PHIP: variants seen among roughly 807,000 people sequenced by gnomAD.
PHIP encodes the protein PH-interacting protein.
PHIP carries 54 observed loss-of-function variants against 236.8 expected under a neutral mutation model. The observed-to-expected ratio is 0.23, with a 90% CI of 0.18 to 0.29. PHIP has a LOEUF of 0.29. Among genes scored for constraint, PHIP ranks in the 10% least tolerant of loss-of-function variants. The pLI, the probability that PHIP is intolerant of heterozygous loss-of-function variation, is 1.00. For missense variants in PHIP, 1,370 were observed against 2,190.8 expected (o/e 0.63, Z 7.48); for synonymous variants, 756 against 718.9 (o/e 1.05, Z -0.83).
At chr6:79,021,701 A>G (rs923254657) in intron 9 of PHIP, among the ~76,000 whole-genome samples, 1 of 152,222 alleles carries the variant, frequency 6.6e-6, no homozygotes, top group Admixed American at 6.5e-5. Context: ...ATGAGATAGT[A>G]GAGGATGGCT....
intron 6 of PHIP, among the ~76,000 whole-genome samples, chr6:79,049,021 G>A (rs1014685787): frequency 2.6e-5 from 4 of 151,942 alleles, no homozygotes; most frequent in African/African-American, 9.7e-5. Flanking sequence ...TTTATGAGAA[G>A]GTTTTCATTA....
intron 20 of PHIP, among the ~76,000 whole-genome samples, chr6:78,989,652 T>C (rs1769089769): frequency 6.6e-6 from 1 of 152,208 alleles, no homozygotes; most frequent in South Asian, 2.1e-4. Flanking sequence ...TACATATATG[T>C]ATACATATAC....
intron 32 of PHIP, 56 bp downstream of exon 32, chr6:78,958,419 C>T: frequency 9.1e-7 from 1 of 1,101,354 alleles, no homozygotes; most frequent in South Asian, 1.3e-5. Flanking sequence ...TTAAGAGGAA[C>T]TGTAGTGCCA....
At chr6:78,970,234 T>A (rs983489953) in intron 25 of PHIP, 61 bp from the exon 26 acceptor site, 2 of 1,438,640 alleles carry the variant, frequency 1.4e-6, no homozygotes, top group African/African-American at 2.8e-5. Context: ...AATAGACTGC[T>A]AAACATTGTT....
chr6:78,986,956 C>G (rs1190375786), intron 21 of PHIP, among the ~76,000 whole-genome samples: 1 of 151,890 alleles, frequency 6.6e-6, no homozygotes, highest in Admixed American at 6.6e-5. Context: ...CAGAATTATT[C>G]CTACATTCCA....
chr6:78,958,337 T>C (rs1766560997), intron 32 of PHIP, 138 bp downstream of exon 32: 4 of 581,190 alleles, frequency 6.9e-6, no homozygotes, highest in Non-Finnish European at 1.2e-5. Flanking sequence ...ATCTTCAGTC[T>C]AATGCTCTCC....
intron 4 of PHIP, among the ~76,000 whole-genome samples, chr6:79,072,425 T>C (rs1773930943): frequency 6.6e-6 from 1 of 152,186 alleles, no homozygotes; most frequent in African/African-American, 2.4e-5. Flanking sequence ...TTTTCCTTTA[T>C]TTTTTAGACC....
chr6:78,970,252 A>G, intron 25 of PHIP, 79 bp from the exon 26 acceptor site: 1 of 1,264,262 alleles, frequency 7.9e-7, no homozygotes. Context: ...GTTGAGAAAA[A>G]ACTTCTTGGT....
intron 31 of PHIP, among the ~76,000 whole-genome samples, chr6:78,959,584 A>T (rs552850834): frequency 1.3e-5 from 2 of 152,302 alleles, no homozygotes; most frequent in Admixed American, 1.3e-4. Context: ...GCAAAAACCT[A>T]CTTACATTGT....
At chr6:79,021,996 C>T (rs183644178) in intron 9 of PHIP, among the ~76,000 whole-genome samples, 1 of 152,228 alleles carries the variant, frequency 6.6e-6, no homozygotes, top group Admixed American at 6.5e-5. Flanking sequence ...TAAATATATA[C>T]ACCTACTACA....
At chr6:79,004,597 C>G (rs1375762133) in intron 15 of PHIP, among the ~76,000 whole-genome samples, 3 of 152,054 alleles carry the variant, frequency 2.0e-5, no homozygotes, top group Admixed American at 6.6e-5. Context: ...TCAGAAACAA[C>G]TAAAATAGGG....
chr6:79,072,800 A>C (rs547248109), intron 4 of PHIP, among the ~76,000 whole-genome samples: 19 of 152,274 alleles, frequency 1.2e-4, no homozygotes, highest in African/African-American at 4.3e-4. Flanking sequence ...TATACTGCAG[A>C]TTCTATGTTC....
intron 24 of PHIP, among the ~76,000 whole-genome samples, chr6:78,974,739 A>G (rs1767915754): frequency 6.6e-6 from 1 of 152,106 alleles, no homozygotes; most frequent in Admixed American, 6.5e-5. Context: ...AGAATACTAC[A>G]AACACTTCTA....
At chr6:78,998,495 TGG>T (rs1769771972) in intron 17 of PHIP, 104 bp from the exon 18 acceptor site, 1 of 798,966 alleles carries the variant, frequency 1.3e-6, no homozygotes, top group Non-Finnish European at 1.9e-6. Context: ...AAATGTTGCT[TGG>T]GTAAAAGACT....
chr6:79,075,701 T>C (rs930570690), intron 4 of PHIP, among the ~76,000 whole-genome samples: 5 of 151,464 alleles, frequency 3.3e-5, no homozygotes, highest in African/African-American at 1.2e-4. Context: ...TTTAGCCAGA[T>C]AACATTAAGC....
chr6:78,946,899 C>A, intron 36 of PHIP, 25 bp from the exon 37 acceptor site: 2 of 1,501,486 alleles, frequency 1.3e-6, no homozygotes, highest in South Asian at 2.6e-5. Flanking sequence ...AAAAAGTGTT[C>A]AACCATTCCT....
intron 19 of PHIP, among the ~76,000 whole-genome samples, chr6:78,994,625 G>A (rs1582188720): frequency 6.6e-6 from 1 of 152,042 alleles, no homozygotes; most frequent in Non-Finnish European, 1.5e-5. Flanking sequence ...GCAATGGCAG[G>A]GTTTGAGAGG....
chr6:78,959,248 C>A (rs1413770161), intron 31 of PHIP, among the ~76,000 whole-genome samples: 1 of 151,918 alleles, frequency 6.6e-6, no homozygotes, highest in Non-Finnish European at 1.5e-5. Context: ...AATATGTGGC[C>A]TGACTTAAAA....
intron 19 of PHIP, among the ~76,000 whole-genome samples, chr6:78,993,095 T>C (rs1468763939): frequency 6.6e-6 from 1 of 152,194 alleles, no homozygotes; most frequent in African/African-American, 2.4e-5. Context: ...GGATAGAAGA[T>C]TAAACCAGCT....
Sources: gnomAD v4.1 joint callset for allele counts (sites outside exome capture counted in the v4.1 genomes callset) on GRCh38, gnomAD v4.1.1 for gene constraint, MANE v1.5 for transcripts, NCBI Gene and HGNC (gene_info 2026-07-23, HGNC 2026-07-21) for gene names.